The following GRM7 variants were observed in gnomAD, a reference collection of about 807,000 sequenced individuals.
GRM7 encodes glutamate metabotropic receptor 7.
GRM7 carries 35 observed loss-of-function variants against 84.5 expected under a neutral mutation model. The ratio of observed to expected loss-of-function variants is 0.41; its 90% confidence interval spans 0.32 to 0.55. GRM7 has a LOEUF of 0.55. Ranked by LOEUF, GRM7 falls within the 20% of genes least tolerant of loss-of-function variation. The pLI is 0.19. For missense variants in GRM7, 1,003 were observed against 1,194.6 expected (o/e 0.84, Z 2.36); for synonymous variants, 487 against 455.1 (o/e 1.07, Z -0.89).
chr3:7,344,532 A>G (rs1692799635), intron 4 of GRM7, among the ~76,000 whole-genome samples: 1 of 152,316 alleles, frequency 6.6e-6, no homozygotes, highest in African/African-American at 2.4e-5. Flanking sequence ...ATAAAAATTC[A>G]TAAAAAGTAA....
chr3:7,341,237 C>T (rs1701624677), intron 4 of GRM7, among the ~76,000 whole-genome samples: 1 of 152,040 alleles, frequency 6.6e-6, no homozygotes, highest in African/African-American at 2.4e-5. Context: ...AGAGTACTTT[C>T]TAGAGTTTAC....
chr3:7,058,119 C>T (rs1178533150), intron 1 of GRM7, among the ~76,000 whole-genome samples: 6 of 151,744 alleles, frequency 4.0e-5, no homozygotes. Flanking sequence ...TTATTGAAAT[C>T]CAGAAACAGA....
intron 7 of GRM7, among the ~76,000 whole-genome samples, chr3:7,536,838 A>T (rs764336082): frequency 6.6e-6 from 1 of 152,208 alleles, no homozygotes; most frequent in Non-Finnish European, 1.5e-5. Flanking sequence ...TTGAGATAGA[A>T]TCATTTGACT....
At chr3:7,139,922 A>T (rs1693893969) in intron 1 of GRM7, among the ~76,000 whole-genome samples, 1 of 152,068 alleles carries the variant, frequency 6.6e-6, no homozygotes, top group Non-Finnish European at 1.5e-5. Flanking sequence ...GTATCTGATA[A>T]GGAGATAATA....
At chr3:7,296,844 T>A (rs1699832005) in intron 2 of GRM7, among the ~76,000 whole-genome samples, 1 of 151,908 alleles carries the variant, frequency 6.6e-6, no homozygotes, top group South Asian at 2.1e-4. Flanking sequence ...AGCTGGGATC[T>A]TGCTATGTTG....
chr3:7,053,796 G>A (rs1235337190), intron 1 of GRM7, among the ~76,000 whole-genome samples: 1 of 151,148 alleles, frequency 6.6e-6, no homozygotes, highest in Admixed American at 6.6e-5. Context: ...GCTAATGTAA[G>A]TCCTTCAATT....
chr3:7,280,590 A>G (rs1352278399), intron 2 of GRM7, among the ~76,000 whole-genome samples: 2 of 152,196 alleles, frequency 1.3e-5, no homozygotes, highest in African/African-American at 4.8e-5. Flanking sequence ...CTGTCACGGG[A>G]AGTAAATATC....
chr3:7,576,382 T>C (rs111744540), intron 7 of GRM7, among the ~76,000 whole-genome samples: 18 of 152,330 alleles, frequency 1.2e-4, no homozygotes, highest in African/African-American at 4.1e-4. Context: ...CATCTGAAGA[T>C]GCTTGGATCT....
intron 8 of GRM7, among the ~76,000 whole-genome samples, chr3:7,589,306 T>C (rs1374129747): frequency 6.6e-6 from 1 of 152,248 alleles, no homozygotes; most frequent in Non-Finnish European, 1.5e-5. Flanking sequence ...AAGAACCACA[T>C]AGATGTTTCT....
intron 1 of GRM7, among the ~76,000 whole-genome samples, chr3:6,931,376 C>T (rs76462039): frequency 0.014 from 2,080 of 152,262 alleles, 53 homozygotes; most frequent in African/African-American, 0.046. Flanking sequence ...AGGATGGCCA[C>T]TCTCAGGCTT....
intron 1 of GRM7, among the ~76,000 whole-genome samples, chr3:7,085,234 T>A (rs191789021): frequency 1.1e-3 from 169 of 152,318 alleles, no homozygotes; most frequent in African/African-American, 3.9e-3. Flanking sequence ...GAAAGTTATA[T>A]TGGCTGCTGA....
chr3:7,527,542 G>A (rs902821169), intron 7 of GRM7, among the ~76,000 whole-genome samples: 1 of 151,990 alleles, frequency 6.6e-6, no homozygotes, highest in African/African-American at 2.4e-5. Context: ...GATGGCTCTG[G>A]ATAGGACTTC....
intron 9 of GRM7, among the ~76,000 whole-genome samples, chr3:7,732,051 CT>C (rs1205467916): frequency 6.7e-6 from 1 of 148,850 alleles, no homozygotes; most frequent in Admixed American, 6.6e-5. Context: ...GTCTATTAAG[CT>C]TTTTTTTGTT....
At chr3:7,155,108 A>T (rs1694406413) in intron 2 of GRM7, among the ~76,000 whole-genome samples, 1 of 152,148 alleles carries the variant, frequency 6.6e-6, no homozygotes, top group East Asian at 1.9e-4. Context: ...TCATTACTGA[A>T]GTCTGGCATA....
intron 8 of GRM7, among the ~76,000 whole-genome samples, chr3:7,599,355 A>G (rs528873261): frequency 6.6e-6 from 1 of 152,120 alleles, no homozygotes; most frequent in South Asian, 2.1e-4. Flanking sequence ...CATTTACTTC[A>G]CCCTGGCTAT....
chr3:7,272,359 C>T (rs915089719), intron 2 of GRM7, among the ~76,000 whole-genome samples: 1 of 152,130 alleles, frequency 6.6e-6, no homozygotes, highest in African/African-American at 2.4e-5. Context: ...AGTTTAACCT[C>T]CCTATGAGTC....
chr3:7,442,146 C>G (rs1697314510), intron 5 of GRM7, among the ~76,000 whole-genome samples: 2 of 151,974 alleles, frequency 1.3e-5, no homozygotes. Context: ...TTTGTGTCAT[C>G]TCTTATTTCT....
At chr3:7,457,353 A>T (rs960437583) in intron 6 of GRM7, among the ~76,000 whole-genome samples, 1 of 152,162 alleles carries the variant, frequency 6.6e-6, no homozygotes, top group Non-Finnish European at 1.5e-5. Context: ...AGTTTTTATC[A>T]TGCCTAGATA....
intron 7 of GRM7, among the ~76,000 whole-genome samples, chr3:7,517,518 G>A (rs1018240286): frequency 1.3e-5 from 2 of 151,986 alleles, no homozygotes; most frequent in African/African-American, 4.8e-5. Flanking sequence ...TCCGCCTCTC[G>A]AGTAGCTGGG....
Sources: allele counts gnomAD v4.1 joint callset (sites outside exome capture counted in the v4.1 genomes callset), GRCh38; gene constraint gnomAD v4.1.1; transcripts MANE v1.5; gene names NCBI Gene and HGNC (gene_info 2026-07-23, HGNC 2026-07-21).